Variants in ZMAT4 observed in about 807,000 individuals in gnomAD.
ZMAT4 encodes zinc finger matrin-type protein 4.
In ZMAT4, 17 loss-of-function variants were observed where a neutral mutation model predicts 28.7. That is an observed-to-expected ratio of 0.59 (90% CI 0.41 to 0.89). The LOEUF (loss-of-function observed/expected upper bound fraction) is 0.89. ZMAT4 is among the 40% of genes least tolerant of loss of function. The probability of loss-of-function intolerance (pLI) is 0.00; values close to 1 mark genes in which losing one functional copy is unlikely to be tolerated. For missense variants in ZMAT4, 240 were observed against 283.8 expected, an observed-to-expected ratio of 0.85 and a Z score of 1.11; for synonymous variants, 117 against 109.2, an observed-to-expected ratio of 1.07 and a Z score of -0.44.
At chr8:40,570,826 A>T (rs1804074484) in intron 6 of ZMAT4, among the ~76,000 whole-genome samples, 1 of 152,184 alleles carries the variant, frequency 6.6e-6, no homozygotes. Flanking sequence ...GACTCTGGCC[A>T]TCTGCTTCCC....
At chr8:40,789,162 A>G (rs934618048) in intron 2 of ZMAT4, among the ~76,000 whole-genome samples, 1 of 152,184 alleles carries the variant, frequency 6.6e-6, no homozygotes, top group African/African-American at 2.4e-5. Context: ...ATGCCAAAAA[A>G]AAAGGGTGTG....
chr8:40,615,279 T>C (rs1805958553), intron 5 of ZMAT4, among the ~76,000 whole-genome samples: 1 of 152,220 alleles, frequency 6.6e-6, no homozygotes, highest in African/African-American at 2.4e-5. Flanking sequence ...CTTGTAGAGT[T>C]TCTGCTGAGA....
chr8:40,813,227 T>C (rs1266025814), intron 2 of ZMAT4, among the ~76,000 whole-genome samples: 1 of 152,034 alleles, frequency 6.6e-6, no homozygotes, highest in African/African-American at 2.4e-5. Flanking sequence ...AAAGAACATA[T>C]ATAAATAAAA....
At chr8:40,546,903 C>T (rs1483981504) in intron 6 of ZMAT4, among the ~76,000 whole-genome samples, 2 of 152,130 alleles carry the variant, frequency 1.3e-5, no homozygotes, top group Non-Finnish European at 2.9e-5. Context: ...CCACCACCAG[C>T]GCCTGATCTT....
chr8:40,557,981 G>T (rs1803601642), intron 6 of ZMAT4, among the ~76,000 whole-genome samples: 1 of 152,174 alleles, frequency 6.6e-6, no homozygotes, highest in Admixed American at 6.5e-5. Context: ...GGTGAAATTT[G>T]AGCTGAGCTT....
chr8:40,762,206 C>T (rs192626314), intron 3 of ZMAT4, among the ~76,000 whole-genome samples: 118 of 152,338 alleles, frequency 7.7e-4, no homozygotes, highest in Non-Finnish European at 1.2e-3. Flanking sequence ...TAATGTCCCC[C>T]TCCAAATTCA....
At chr8:40,868,281 G>A (rs2150651482) in intron 1 of ZMAT4, among the ~76,000 whole-genome samples, 1 of 152,266 alleles carries the variant, frequency 6.6e-6, no homozygotes, top group East Asian at 1.9e-4. Context: ...GAGACAGAGT[G>A]CTGTGCGGGC....
At chr8:40,799,745 A>G (rs1461061107) in intron 2 of ZMAT4, among the ~76,000 whole-genome samples, 1 of 152,172 alleles carries the variant, frequency 6.6e-6, no homozygotes, top group Non-Finnish European at 1.5e-5. Context: ...ATTCAATTGT[A>G]TAAGTATGTA....
intron 6 of ZMAT4, among the ~76,000 whole-genome samples, chr8:40,571,421 G>C (rs1441438253): frequency 6.6e-6 from 1 of 152,144 alleles, no homozygotes; most frequent in Non-Finnish European, 1.5e-5. Context: ...CCTTTTCCAT[G>C]TGAGAAGTTA....
intron 5 of ZMAT4, among the ~76,000 whole-genome samples, chr8:40,629,547 C>T (rs1585782476): frequency 6.7e-6 from 1 of 149,962 alleles, no homozygotes; most frequent in Admixed American, 6.6e-5. Context: ...CTAATGCTAT[C>T]CCTCGCCCCT....
intron 2 of ZMAT4, among the ~76,000 whole-genome samples, chr8:40,775,452 A>C (rs1362461291): frequency 1.3e-5 from 2 of 152,186 alleles, no homozygotes; most frequent in Non-Finnish European, 2.9e-5. Context: ...GCTGATGAAG[A>C]CTGCAGTTGA....
intron 6 of ZMAT4, among the ~76,000 whole-genome samples, chr8:40,553,611 C>A (rs551874343): frequency 6.6e-6 from 1 of 152,232 alleles, no homozygotes; most frequent in South Asian, 2.1e-4. Context: ...TGCCTGATAT[C>A]ATTTCATCCT....
chr8:40,670,421 A>C (rs1159349691), intron 5 of ZMAT4, among the ~76,000 whole-genome samples: 1 of 152,242 alleles, frequency 6.6e-6, no homozygotes, highest in Non-Finnish European at 1.5e-5. Context: ...GTAAAAGTTA[A>C]AACTATGAAA....
At chr8:40,746,447 T>C (rs988421680) in intron 3 of ZMAT4, among the ~76,000 whole-genome samples, 2 of 150,584 alleles carry the variant, frequency 1.3e-5, no homozygotes, top group African/African-American at 4.9e-5. Context: ...CACTGCAACC[T>C]CTGCCTCCTG....
chr8:40,794,912 A>G (rs914710731), intron 2 of ZMAT4, among the ~76,000 whole-genome samples: 9 of 152,086 alleles, frequency 5.9e-5, no homozygotes, highest in African/African-American at 2.2e-4. Context: ...CAAAAGTGGC[A>G]AATGGAATCT....
Position 40,540,649 on chromosome 8 carries a change from A to G in ZMAT4, c.675-8411T>C, listed in dbSNP as rs78969017. On this transcript the variant is annotated intron_variant, in intron 6 of 6. Transcript: ENST00000297737. Reference sequence around the variant, plus strand: ...AATGGGAACCCCAAATTTGTAGCCAATTGGTCAGAAGTGCAGGCATCCTGG... The same window carrying G: ...AATGGGAACCCCAAATTTGTAGCCAGTTGGTCAGAAGTGCAGGCATCCTGG... 2.5e-3 allele frequency among the ~76,000 whole-genome samples: 375 copies of G among 152,304 alleles called. 2 individuals are homozygous for G. Among genetic ancestry groups the G allele is most frequent in the African/African-American group, 8.3e-3 (347 of 41,568 alleles).
Position 40,844,268 on chromosome 8 carries a change from G to A in ZMAT4, c.-4-18588C>T, listed in dbSNP as rs573540367. ...AAACAGTATTTCTGGGTATGTCAAT[G>A]ATGGCGTTCCCAGAAGAGATTAGTG... On this transcript the variant is annotated intron_variant, in intron 1 of 6. Coordinates refer to ENST00000297737, the MANE Select transcript of ZMAT4 (RefSeq NM_024645.3). Among the ~76,000 whole-genome samples, 3 of 152,330 alleles carry A rather than the reference G, an allele frequency of 2.0e-5. No homozygotes were observed. In the South Asian group the frequency reaches 6.2e-4, roughly 32 times the overall value.
intron 2 of ZMAT4, among the ~76,000 whole-genome samples, chr8:40,771,163 T>TAC (rs900114048): frequency 5.9e-5 from 9 of 151,476 alleles, no homozygotes; most frequent in Non-Finnish European, 1.0e-4. Flanking sequence ...TTTATATATA[T>TAC]ACACACACAC....
intron 6 of ZMAT4, among the ~76,000 whole-genome samples, chr8:40,556,565 A>G (rs1376043511): frequency 2.0e-5 from 3 of 152,188 alleles, no homozygotes; most frequent in Non-Finnish European, 4.4e-5. Context: ...TAAGAAGCAC[A>G]TCACATCCTG....
Sources: gnomAD v4.1 joint callset for allele counts (sites outside exome capture counted in the v4.1 genomes callset) on GRCh38, gnomAD v4.1.1 for gene constraint, MANE v1.5 for transcripts, NCBI Gene and HGNC (gene_info 2026-07-23, HGNC 2026-07-21) for gene names.